Variants in SRGAP1 observed in about 807,000 individuals in gnomAD.
SRGAP1 encodes the protein SLIT-ROBO Rho GTPase-activating protein 1.
In SRGAP1, 43 loss-of-function variants were observed where a neutral mutation model predicts 121.9. The ratio of observed to expected loss-of-function variants is 0.35; its 90% confidence interval spans 0.28 to 0.46. SRGAP1 has a LOEUF of 0.46. Ranked by LOEUF, SRGAP1 falls within the 20% of genes least tolerant of loss-of-function variation. The pLI is 1.00. For synonymous variants in SRGAP1, 447 were observed against 485.4 expected, an observed-to-expected ratio of 0.92 and a Z score of 1.04; for missense variants, 1,102 against 1,350.9, an observed-to-expected ratio of 0.82 and a Z score of 2.89.
At chr12:64,078,785 T>A in intron 8 of SRGAP1, 134 bp from the exon 9 acceptor site, 1 of 808,522 alleles carries the variant, frequency 1.2e-6, no homozygotes, top group Middle Eastern at 2.5e-4. Flanking sequence ...TTACCTTTGT[T>A]TCTCTCCTAA....
In SRGAP1 at chr12:63,851,413, C is replaced by T. The variant is rs77291310; in HGVS notation, c.67+6530C>T. On this transcript the variant is annotated intron_variant, in intron 1 of 21. Transcript: ENST00000355086. ...TTCGAGACCAGCCTGGTCAACATGG[C>T]GAGACACCATCTCTAATTTTTAAAA... is the stretch of plus-strand genomic sequence containing the variant. Among the ~76,000 whole-genome samples, 2,568 of 151,754 alleles carry T rather than the reference C, an allele frequency of 0.017. 134 individuals carry two copies. The East Asian group carries it at 0.17, about 10-fold the overall frequency.
intron 1 of SRGAP1, among the ~76,000 whole-genome samples, chr12:63,913,454 C>CAT (rs570506869): frequency 0.021 from 2,585 of 123,930 alleles, 78 homozygotes; most frequent in African/African-American, 0.046. Flanking sequence ...ACTGTGTCCA[C>CAT]ATATATATAT....
intron 1 of SRGAP1, among the ~76,000 whole-genome samples, chr12:63,866,056 C>T (rs56700465): frequency 0.29 from 43,695 of 151,828 alleles, 7,116 homozygotes; most frequent in East Asian, 0.55. Context: ...TTCAAAATGA[C>T]GTTTTTTTTA....
intron 4 of SRGAP1, among the ~76,000 whole-genome samples, chr12:64,019,185 AT>A (rs1392692944): frequency 6.6e-6 from 1 of 152,196 alleles, no homozygotes; most frequent in African/African-American, 2.4e-5. Flanking sequence ...TGTCCTGAAA[AT>A]TTTATCTCAG....
chr12:63,970,641 TTAAATC>T (rs1257792132), intron 1 of SRGAP1, among the ~76,000 whole-genome samples: 3 of 152,152 alleles, frequency 2.0e-5, no homozygotes, highest in Admixed American at 6.6e-5. Flanking sequence ...CTTTCAAAAT[TTAAATC>T]TAATTATATT....
intron 1 of SRGAP1, among the ~76,000 whole-genome samples, chr12:63,898,546 G>A (rs575834531): frequency 6.6e-6 from 1 of 152,158 alleles, no homozygotes; most frequent in East Asian, 1.9e-4. Context: ...AATCATTCCA[G>A]GTTTTAAACT....
At position 64,153,961 on chromosome 12, in the gene SRGAP1, TAAA is replaced by T. The variant is rs2037144472; in HGVS notation, c.*11293_*11295del. 6.6e-6 allele frequency: 1 copy of T among 152,098 alleles called. No individual in the cohort carries two copies. The highest frequency in any genetic ancestry group is 1.5e-5 in the Non-Finnish European group (1 of 68,014). 9.4% of individuals were successfully genotyped at this position (152,098 alleles called of 1,614,324 possible). ...CATAAAATAGAATATTATGCAGCCT[TAAA>T]AAAGAAGGAATTCCTGTCATATGCC... On this transcript the variant is annotated 3_prime_UTR_variant, in exon 22 of 22. Coordinates refer to ENST00000355086, the MANE Select transcript of SRGAP1 (RefSeq NM_020762.4).
chr12:64,107,783 A>G (rs759165992), intron 15 of SRGAP1, among the ~76,000 whole-genome samples: 9 of 152,244 alleles, frequency 5.9e-5, no homozygotes, highest in Non-Finnish European at 1.2e-4. Context: ...AGGAAGCTTC[A>G]GAACTGTTTT....
At chr12:64,096,557 G>T (rs1370014743) in intron 14 of SRGAP1, among the ~76,000 whole-genome samples, 1 of 152,080 alleles carries the variant, frequency 6.6e-6, no homozygotes. Context: ...CAGACTAGTT[G>T]CCTAATATTT....
chr12:63,949,717 C>T (rs566748993), intron 1 of SRGAP1, among the ~76,000 whole-genome samples: 1 of 152,122 alleles, frequency 6.6e-6, no homozygotes, highest in Admixed American at 6.6e-5. Context: ...AAGGATACAA[C>T]GTATTGTAGA....
chr12:64,095,628 G>A (rs1434753834), intron 14 of SRGAP1, among the ~76,000 whole-genome samples: 2 of 152,094 alleles, frequency 1.3e-5, no homozygotes, highest in Non-Finnish European at 2.9e-5. Context: ...ACCCTAGGGG[G>A]TGCCTTATGC....
chr12:64,046,271 G>A (rs1413136866), intron 6 of SRGAP1, among the ~76,000 whole-genome samples: 1 of 152,180 alleles, frequency 6.6e-6, no homozygotes, highest in Non-Finnish European at 1.5e-5. Flanking sequence ...ATAGGGAAGG[G>A]TTTGAATTTT....
chr12:63,850,086 G>A (rs976321176), intron 1 of SRGAP1, among the ~76,000 whole-genome samples: 1 of 152,100 alleles, frequency 6.6e-6, no homozygotes, highest in African/African-American at 2.4e-5. Context: ...AGCTTCACAG[G>A]GTGGCCTTTA....
At chr12:63,961,874 G>A (rs918072987) in intron 1 of SRGAP1, among the ~76,000 whole-genome samples, 6 of 152,132 alleles carry the variant, frequency 3.9e-5, no homozygotes, top group Admixed American at 6.5e-5. Context: ...GACGGAGGTC[G>A]GGGGCTGGTG....
rs1444424031 is a variant in SRGAP1, at chr12:64,155,836, T to C, written c.*13164T>C. ...TTTTAGTACAGCCGGGGTTTCGCCA[T>C]GTTGGCCAGGCTGGTCTTGAACTCC... On this transcript the variant is annotated 3_prime_UTR_variant, in exon 22 of 22. Transcript: ENST00000355086. The C allele has an allele frequency of 1.3e-5, 2 of 152,086 alleles. No individual in the cohort carries two copies. Among genetic ancestry groups the C allele is most frequent in the South Asian group, 2.1e-4 (1 of 4,810 alleles). The allele number at this position is 152,086 out of a possible 1,614,324, so 9.4% of individuals were successfully genotyped here.
intron 15 of SRGAP1, among the ~76,000 whole-genome samples, chr12:64,108,082 A>G (rs886396875): frequency 2.0e-5 from 3 of 152,188 alleles, no homozygotes; most frequent in African/African-American, 7.2e-5. Context: ...TGCCCTGCCT[A>G]CTGCAAAGTT....
chr12:63,919,429 C>A (rs1459622955), intron 1 of SRGAP1, among the ~76,000 whole-genome samples: 2 of 147,528 alleles, frequency 1.4e-5, no homozygotes, highest in Non-Finnish European at 3.0e-5. Context: ...CTTGGCCTAC[C>A]AAAGTGCTGG....
At chr12:64,108,506 G>A (rs907707650) in intron 15 of SRGAP1, among the ~76,000 whole-genome samples, 4 of 152,184 alleles carry the variant, frequency 2.6e-5, no homozygotes, top group African/African-American at 9.7e-5. Context: ...TCTAAACCTG[G>A]CACATTGCCT....
At chr12:63,955,631 G>A (rs1214715213) in intron 1 of SRGAP1, among the ~76,000 whole-genome samples, 2 of 151,394 alleles carry the variant, frequency 1.3e-5, no homozygotes, top group Admixed American at 1.3e-4. Flanking sequence ...CTCAATGTTG[G>A]TTTTCTTCAT....
Sources: gnomAD v4.1 joint callset for allele counts (sites outside exome capture counted in the v4.1 genomes callset) on GRCh38, gnomAD v4.1.1 for gene constraint, MANE v1.5 for transcripts, NCBI Gene and HGNC (gene_info 2026-07-23, HGNC 2026-07-21) for gene names.